CENPP: variants seen among roughly 807,000 people sequenced by gnomAD.
CENPP encodes the protein centromere protein P.
Under a neutral mutation model 35.6 loss-of-function variants are expected in CENPP, and 24 were observed. That is an observed-to-expected ratio of 0.67 (90% CI 0.49 to 0.95). The LOEUF (loss-of-function observed/expected upper bound fraction) is 0.95, where lower values mean the gene tolerates loss of function less well. Among genes scored for constraint, CENPP ranks in the 40% least tolerant of loss-of-function variants. The pLI is 0.00. For missense variants in CENPP, 332 were observed against 345.3 expected, an observed-to-expected ratio of 0.96 and a Z score of 0.31; for synonymous variants, 120 against 125.5, an observed-to-expected ratio of 0.96 and a Z score of 0.29.
At chr9:92,467,837 G>A (rs1029570296) in intron 5 of CENPP, among the ~76,000 whole-genome samples, 15 of 152,150 alleles carry the variant, frequency 9.9e-5, no homozygotes, top group African/African-American at 3.4e-4. Flanking sequence ...TAGGAGAAGA[G>A]GTGAAACTAC....
At chr9:92,514,936 C>G (rs1237468183) in intron 5 of CENPP, 1 of 1,614,094 alleles carries the variant, frequency 6.2e-7, no homozygotes, top group Non-Finnish European at 8.5e-7. Flanking sequence ...CCTCTGCTTT[C>G]TGTCTCCTCC....
intron 5 of CENPP, among the ~76,000 whole-genome samples, chr9:92,422,546 C>T (rs985497622): frequency 1.3e-5 from 2 of 152,132 alleles, no homozygotes; most frequent in East Asian, 1.9e-4. Flanking sequence ...GTCTGCTTTC[C>T]GCCTTTGTGA....
At chr9:92,393,076 C>T (rs1284989004) in intron 5 of CENPP, 9 of 1,609,824 alleles carry the variant, frequency 5.6e-6, no homozygotes, top group Non-Finnish European at 7.6e-6. Flanking sequence ...CATATTTCAG[C>T]TTAACTTACG....
At chr9:92,431,297 C>T (rs534130965) in intron 5 of CENPP, among the ~76,000 whole-genome samples, 8 of 152,246 alleles carry the variant, frequency 5.3e-5, no homozygotes, top group African/African-American at 1.4e-4. Context: ...CATTTCTCAA[C>T]GTTATATTAT....
intron 5 of CENPP, among the ~76,000 whole-genome samples, chr9:92,605,634 T>C (rs1280927383): frequency 2.0e-5 from 3 of 152,108 alleles, no homozygotes; most frequent in Non-Finnish European, 4.4e-5. Context: ...TCACACCATA[T>C]ATAAAAATTA....
rs1297884927 is a variant in CENPP at position 92,614,769 on chromosome 9, A to C, written c.*1620A>C. The C allele has an allele frequency of 6.6e-6, 1 of 152,608 alleles. No homozygotes were observed. The highest frequency in any genetic ancestry group is 1.5e-5 in the Non-Finnish European group (1 of 68,046). 9.5% of individuals were successfully genotyped at this position (152,608 alleles called of 1,614,324 possible). Reference sequence around the variant, plus strand: ...ACCTAGCATAGAATAAAAAACTGAAACCAAGATTCCCAACGTTTTTCATAG... The same window carrying C: ...ACCTAGCATAGAATAAAAAACTGAACCCAAGATTCCCAACGTTTTTCATAG... On this transcript the variant is annotated 3_prime_UTR_variant, in exon 8 of 8. Coordinates refer to ENST00000375587, the MANE Select transcript of CENPP (RefSeq NM_001012267.3).
At chr9:92,438,218 T>C (rs1451394115) in intron 5 of CENPP, among the ~76,000 whole-genome samples, 1 of 152,206 alleles carries the variant, frequency 6.6e-6, no homozygotes, top group Non-Finnish European at 1.5e-5. Flanking sequence ...GTTTTATAAG[T>C]TTTATCTCTT....
intron 5 of CENPP, among the ~76,000 whole-genome samples, chr9:92,465,215 C>T (rs1047378244): frequency 3.3e-5 from 5 of 152,318 alleles, no homozygotes; most frequent in South Asian, 2.1e-4. Context: ...CAGAAAAATA[C>T]GGCTTTGTAT....
At chr9:92,367,782 TA>T (rs2130846719) in intron 4 of CENPP, among the ~76,000 whole-genome samples, 1 of 152,218 alleles carries the variant, frequency 6.6e-6, no homozygotes, top group East Asian at 1.9e-4. Flanking sequence ...CACGCCCAGC[TA>T]GTTTTTGTAT....
chr9:92,354,216 AT>A (rs1564274947), intron 4 of CENPP, among the ~76,000 whole-genome samples: 1 of 152,216 alleles, frequency 6.6e-6, no homozygotes, highest in Admixed American at 6.5e-5. Flanking sequence ...GTAAGTGTCT[AT>A]TCCAGTGAGG....
chr9:92,411,817 C>T (rs1465281283), intron 5 of CENPP, among the ~76,000 whole-genome samples: 1 of 152,176 alleles, frequency 6.6e-6, no homozygotes, highest in African/African-American at 2.4e-5. Flanking sequence ...CTACTTTTGC[C>T]AGTCAGTTCC....
chr9:92,524,302 G>A (rs532624354), intron 5 of CENPP, among the ~76,000 whole-genome samples: 1 of 152,284 alleles, frequency 6.6e-6, no homozygotes, highest in South Asian at 2.1e-4. Context: ...CTCAGGGTTA[G>A]TATAGGGCCT....
At position 92,363,737 on chromosome 9, in the gene CENPP, A is replaced by C. The variant is rs142478159; in HGVS notation, c.468-16026A>C. 2.4e-3 allele frequency among the ~76,000 whole-genome samples: 370 copies of C among 152,306 alleles called. 4 individuals carry two copies. Among genetic ancestry groups the C allele is most frequent in the African/African-American group, 8.3e-3 (346 of 41,558 alleles). On this transcript the variant is annotated intron_variant, in intron 4 of 7. Coordinates refer to ENST00000375587, the MANE Select transcript of CENPP (RefSeq NM_001012267.3). ...TATGTATGTGTTTATGTGTCTATAT[A>C]CATACTATCATTTCACATTTCTATG...
intron 5 of CENPP, chr9:92,495,404 G>A: frequency 1.0e-6 from 1 of 984,986 alleles, no homozygotes; most frequent in Non-Finnish European, 1.2e-6. Context: ...ATAAAATGAT[G>A]TATTTCAGTA....
intron 5 of CENPP, chr9:92,528,174 G>A (rs2104533): frequency 0.42 from 63,742 of 152,068 alleles, 15,617 homozygotes; most frequent in African/African-American, 0.68. Flanking sequence ...TAAAAATAGA[G>A]CAACATATAT....
chr9:92,412,175 C>G (rs1472278595), intron 5 of CENPP, among the ~76,000 whole-genome samples: 1 of 152,006 alleles, frequency 6.6e-6, no homozygotes, highest in Non-Finnish European at 1.5e-5. Flanking sequence ...CAACCTTGGT[C>G]TCCGGGGCTC....
intron 5 of CENPP, among the ~76,000 whole-genome samples, chr9:92,565,199 G>T (rs1433404777): frequency 2.0e-5 from 3 of 147,628 alleles, no homozygotes; most frequent in African/African-American, 7.5e-5. Flanking sequence ...CTACAGTAGG[G>T]GTGTCCAGTG....
chr9:92,514,711 C>G, intron 5 of CENPP: 2 of 1,613,934 alleles, frequency 1.2e-6, no homozygotes, highest in South Asian at 2.2e-5. Flanking sequence ...GCTGATGGTC[C>G]TGTAGGACAG....
At chr9:92,463,826 T>G (rs1845203547) in intron 5 of CENPP, among the ~76,000 whole-genome samples, 1 of 152,242 alleles carries the variant, frequency 6.6e-6, no homozygotes, top group Non-Finnish European at 1.5e-5. Context: ...TTTGGATTTG[T>G]ATAGTTCTGA....
Sources: allele counts gnomAD v4.1 joint callset (sites outside exome capture counted in the v4.1 genomes callset), GRCh38; gene constraint gnomAD v4.1.1; transcripts MANE v1.5; gene names NCBI Gene and HGNC (gene_info 2026-07-23, HGNC 2026-07-21).